The following HDAC9 variants were observed in gnomAD, a reference collection of about 807,000 sequenced individuals.
HDAC9 encodes the protein histone deacetylase 9.
Under a neutral mutation model 139.4 loss-of-function variants are expected in HDAC9, and 41 were observed. The observed-to-expected ratio is 0.29, with a 90% confidence interval of 0.23 to 0.38. The LOEUF is 0.38. Ranked by LOEUF, HDAC9 falls within the 10% of genes least tolerant of loss-of-function variation. The pLI is 1.00. For synonymous variants in HDAC9, 517 were observed against 476.2 expected (o/e 1.09, Z -1.12); for missense variants, 1,147 against 1,297.0 (o/e 0.88, Z 1.78).
At chr7:18,715,953 T>A (rs1251197115) in intron 12 of HDAC9, among the ~76,000 whole-genome samples, 2 of 152,198 alleles carry the variant, frequency 1.3e-5, no homozygotes, top group East Asian at 1.9e-4. Context: ...ACTGAGAATA[T>A]CTGTTCAAGA....
At chr7:18,572,570 G>A (rs913598435) in intron 2 of HDAC9, among the ~76,000 whole-genome samples, 1 of 152,004 alleles carries the variant, frequency 6.6e-6, no homozygotes, top group Non-Finnish European at 1.5e-5. Flanking sequence ...CAGAGGAAGA[G>A]TATTAGATCT....
chr7:18,716,124 C>T (rs1784681893), intron 12 of HDAC9, among the ~76,000 whole-genome samples: 1 of 152,202 alleles, frequency 6.6e-6, no homozygotes, highest in Non-Finnish European at 1.5e-5. Context: ...TTTTTCCCCT[C>T]CTTCTCTTCA....
At chr7:18,302,206 G>T (rs1233525097) in intron 1 of HDAC9, among the ~76,000 whole-genome samples, 1 of 152,182 alleles carries the variant, frequency 6.6e-6, no homozygotes, top group Admixed American at 6.5e-5. Context: ...TTGGGTCAGT[G>T]CTAGTAATCT....
chr7:18,915,787 A>G (rs1466928767), intron 22 of HDAC9, among the ~76,000 whole-genome samples: 2 of 151,904 alleles, frequency 1.3e-5, no homozygotes, highest in African/African-American at 4.8e-5. Context: ...CCTAACAACA[A>G]CAACAACAAC....
chr7:18,438,235 G>C (rs960355887), intron 1 of HDAC9, among the ~76,000 whole-genome samples: 3 of 151,944 alleles, frequency 2.0e-5, no homozygotes, highest in African/African-American at 4.8e-5. Flanking sequence ...TATGACATAT[G>C]CTTAAGTTAA....
chr7:18,159,588 A>G (rs895642377), intron 1 of HDAC9, among the ~76,000 whole-genome samples: 2 of 152,158 alleles, frequency 1.3e-5, no homozygotes, highest in Middle Eastern at 3.2e-3. Flanking sequence ...TATATAGCCT[A>G]TGATGTATGA....
At chr7:18,433,761 A>G (rs1790904714) in intron 1 of HDAC9, among the ~76,000 whole-genome samples, 1 of 152,208 alleles carries the variant, frequency 6.6e-6, no homozygotes, top group Admixed American at 6.5e-5. Context: ...CTGCTGAAAG[A>G]AGTCAGAGAC....
intron 1 of HDAC9, among the ~76,000 whole-genome samples, chr7:18,339,958 A>G (rs956888838): frequency 1.3e-5 from 2 of 151,498 alleles, no homozygotes; most frequent in African/African-American, 2.4e-5. Flanking sequence ...TTTTCTGTCT[A>G]TGTTTTCTAT....
intron 12 of HDAC9, among the ~76,000 whole-genome samples, chr7:18,726,411 C>A (rs1785551079): frequency 1.3e-5 from 2 of 152,126 alleles, no homozygotes; most frequent in South Asian, 4.1e-4. Flanking sequence ...ATGTCTGCCT[C>A]AAGTCTTGAA....
chr7:18,870,400 A>T (rs12700004), intron 21 of HDAC9, among the ~76,000 whole-genome samples: 1 of 152,230 alleles, frequency 6.6e-6, no homozygotes, highest in South Asian at 2.1e-4. Context: ...AATTTGTTTA[A>T]TATTTCCTCA....
chr7:18,458,810 C>T, intron 1 of HDAC9: 1 of 1,497,960 alleles, frequency 6.7e-7, no homozygotes. Flanking sequence ...GAGGGTCCTT[C>T]CTTCTTCAAC....
intron 12 of HDAC9, among the ~76,000 whole-genome samples, chr7:18,683,237 T>A (rs1171705829): frequency 6.6e-6 from 1 of 152,048 alleles, no homozygotes; most frequent in Admixed American, 6.6e-5. Flanking sequence ...TGGCTTGTAG[T>A]AAACATTACT....
intron 1 of HDAC9, among the ~76,000 whole-genome samples, chr7:18,441,547 A>G (rs897791623): frequency 9.2e-5 from 14 of 152,328 alleles, no homozygotes; most frequent in African/African-American, 3.1e-4. Context: ...GATTTATCTC[A>G]GCTCTTATTT....
Position 18,593,968 on chromosome 7 carries a change from C to T in HDAC9, c.603C>T (p.Ser201=), listed in dbSNP as rs772612014. The change falls in exon 6 of 26, where the codon TCC becomes TCT. Residue 201 remains serine, a synonymous_variant. Transcript: ENST00000686413. ...CACCCCTTAGTGGAACATCTCCATC[C>T]TACAAGTACACATTACCAGGAGCAC... The part of the protein sequence containing the change: ...SSPPLSGTSP[S]YKYTLPGAQD... The T allele has an allele frequency of 2.4e-5, 39 of 1,612,698 alleles. No individual in the cohort carries two copies. The highest frequency in any genetic ancestry group is 6.7e-5 in the Admixed American group (4 of 59,904).
At chr7:18,762,362 C>G in intron 15 of HDAC9, 85 bp downstream of exon 15, 1 of 1,460,614 alleles carries the variant, frequency 6.8e-7, no homozygotes, top group Non-Finnish European at 9.4e-7. Context: ...AAATACTTGG[C>G]AAGTAGTGCA....
intron 1 of HDAC9, among the ~76,000 whole-genome samples, chr7:18,360,891 A>G (rs1219580299): frequency 1.3e-5 from 2 of 152,192 alleles, no homozygotes; most frequent in African/African-American, 2.4e-5. Flanking sequence ...TCAATGGGTA[A>G]ATTAATTAGC....
chr7:18,355,808 T>TGTCATGTTATGAAGCA (rs1286210927), intron 1 of HDAC9, among the ~76,000 whole-genome samples: 1 of 152,154 alleles, frequency 6.6e-6, no homozygotes, highest in African/African-American at 2.4e-5. Flanking sequence ...GGAATTGCCT[T>TGTCATGTTATGAAGCA]GTCATGTTAT....
chr7:18,845,638 G>A (rs574073713), intron 21 of HDAC9, among the ~76,000 whole-genome samples: 1 of 152,162 alleles, frequency 6.6e-6, no homozygotes. Context: ...AAGCAGAGCT[G>A]TTTGGTCTCA....
chr7:18,514,258 A>C (rs1357855685), intron 2 of HDAC9, among the ~76,000 whole-genome samples: 1 of 152,234 alleles, frequency 6.6e-6, no homozygotes, highest in African/African-American at 2.4e-5. Context: ...AAGTAGAAAG[A>C]AATAGATGGA....
Sources: allele counts gnomAD v4.1 joint callset (sites outside exome capture counted in the v4.1 genomes callset), GRCh38; gene constraint gnomAD v4.1.1; transcripts MANE v1.5; gene names NCBI Gene and HGNC (gene_info 2026-07-23, HGNC 2026-07-21).